Variants in MACROD2 observed in about 807,000 individuals in gnomAD.
The protein encoded by MACROD2 is ADP-ribose glycohydrolase MACROD2.
A neutral mutation model predicts 70.4 loss-of-function variants in MACROD2; 36 were observed. That is an observed-to-expected ratio of 0.51 (90% CI 0.39 to 0.68). The LOEUF (loss-of-function observed/expected upper bound fraction) is 0.68, where lower values mean the gene tolerates loss of function less well. Ranked by LOEUF, MACROD2 falls within the 30% of genes least tolerant of loss-of-function variation. The pLI is 0.00. For missense variants in MACROD2, 496 were observed against 538.4 expected, an observed-to-expected ratio of 0.92 and a Z score of 0.78; for synonymous variants, 172 against 178.8, an observed-to-expected ratio of 0.96 and a Z score of 0.30.
At chr20:15,332,448 G>A (rs1333323953) in intron 6 of MACROD2, among the ~76,000 whole-genome samples, 3 of 151,478 alleles carry the variant, frequency 2.0e-5, no homozygotes, top group Admixed American at 1.3e-4. Flanking sequence ...GGCCTCACAG[G>A]CCAGCATTAC....
At chr20:15,180,362 T>C (rs545949243) in intron 5 of MACROD2, among the ~76,000 whole-genome samples, 1 of 152,340 alleles carries the variant, frequency 6.6e-6, no homozygotes, top group East Asian at 1.9e-4. Context: ...TTAGATGGGG[T>C]ATAGTTCAAG....
chr20:14,486,781 A>T (rs2084740752), intron 3 of MACROD2, among the ~76,000 whole-genome samples: 1 of 152,096 alleles, frequency 6.6e-6, no homozygotes, highest in Admixed American at 6.5e-5. Context: ...GGCCTCCCAA[A>T]GTGCTGGGAT....
rs74958810 is a variant in MACROD2, at chr20:15,356,323, C to G, written c.541-75082C>G. On this transcript the variant is annotated intron_variant, in intron 6 of 17. Transcript: ENST00000684519. ...GTAAAGACTTTATCACTTATTCTGG[C>G]ATAAGTATAGTAAGGACTCAATAAA... 1.1e-4 allele frequency among the ~76,000 whole-genome samples: 16 copies of G among 152,142 alleles called. No individual in the cohort carries two copies. In the East Asian group the frequency reaches 3.1e-3, roughly 29 times the overall value.
intron 15 of MACROD2, among the ~76,000 whole-genome samples, chr20:16,036,169 C>G (rs2067232733): frequency 6.6e-6 from 1 of 151,946 alleles, no homozygotes; most frequent in African/African-American, 2.4e-5. Context: ...AGCTCTGTAC[C>G]TATCATGTCA....
intron 5 of MACROD2, among the ~76,000 whole-genome samples, chr20:15,118,002 C>G (rs1325811948): frequency 6.6e-6 from 1 of 151,960 alleles, no homozygotes; most frequent in African/African-American, 2.4e-5. Flanking sequence ...TTTTGTGGCT[C>G]TGAAAGATAT....
rs1312226727 is a variant in MACROD2, at chr20:15,233,983, TTATATA to T, written c.540+3944_540+3949del. On this transcript the variant is annotated intron_variant, in intron 6 of 17. Transcript: ENST00000684519. ...AAAATTTATTTTTATATATATTTATTTATATATATATATATATATATATATATTCTT... is the reference window on the plus strand; with the variant it reads ...AAAATTTATTTTTATATATATTTATTTATATATATATATATATATATTCTT... Among the ~76,000 whole-genome samples, 34 of 43,998 alleles carry T rather than the reference TTATATA, an allele frequency of 7.7e-4. 1 individual carries two copies. Among genetic ancestry groups the T allele is most frequent in the East Asian group, 5.2e-3 (7 of 1,338 alleles). The allele number at this position is 43,998 out of a possible 152,430, so 28.9% of individuals were successfully genotyped here. A position where few individuals can be genotyped will look rare whatever the true frequency, so the allele number is the denominator to read the frequency against.
intron 3 of MACROD2, chr20:14,327,061 G>A: frequency 6.2e-7 from 1 of 1,613,718 alleles, no homozygotes; most frequent in Non-Finnish European, 8.5e-7. Context: ...GTCTCGGAAT[G>A]CTCCCTCTTC....
intron 3 of MACROD2, among the ~76,000 whole-genome samples, chr20:14,303,033 T>C (rs1214852673): frequency 3.9e-5 from 6 of 152,178 alleles, no homozygotes; most frequent in Admixed American, 3.9e-4. Context: ...AAGAAGGTGG[T>C]CTTCTAACCC....
At chr20:15,954,165 C>A (rs1169883252) in intron 12 of MACROD2, among the ~76,000 whole-genome samples, 2 of 152,118 alleles carry the variant, frequency 1.3e-5, no homozygotes, top group African/African-American at 2.4e-5. Flanking sequence ...TCACCATTAC[C>A]AGACAAAGCA....
chr20:15,185,083 G>A (rs1208134149), intron 5 of MACROD2, among the ~76,000 whole-genome samples: 1 of 152,104 alleles, frequency 6.6e-6, no homozygotes, highest in African/African-American at 2.4e-5. Flanking sequence ...TGCACATCTT[G>A]TCTTGTTACT....
intron 5 of MACROD2, among the ~76,000 whole-genome samples, chr20:14,962,644 C>CT (rs1334101629): frequency 6.6e-6 from 1 of 151,498 alleles, no homozygotes; most frequent in Non-Finnish European, 1.5e-5. Flanking sequence ...TCCTCTTCCT[C>CT]TTTTCTTCCT....
intron 5 of MACROD2, among the ~76,000 whole-genome samples, chr20:15,208,943 G>A (rs1325182763): frequency 6.6e-6 from 1 of 152,040 alleles, no homozygotes; most frequent in African/African-American, 2.4e-5. Context: ...GAAGTGCCTC[G>A]GTACAGTGAG....
At chr20:16,044,427 C>A in intron 16 of MACROD2, 144 bp from the exon 17 acceptor site, 1 of 699,644 alleles carries the variant, frequency 1.4e-6, no homozygotes. Flanking sequence ...CAAGAATAGT[C>A]CCCAAATCTT....
At chr20:15,502,459 A>G (rs1006325360) in intron 8 of MACROD2, among the ~76,000 whole-genome samples, 2 of 152,148 alleles carry the variant, frequency 1.3e-5, no homozygotes, top group African/African-American at 4.8e-5. Context: ...TCATAGAGAG[A>G]CTGTGAATTT....
At chr20:14,220,767 A>ACTTCTCCTGCAAACAGACCTTCGG (rs1437322996) in intron 3 of MACROD2, among the ~76,000 whole-genome samples, 2 of 152,072 alleles carry the variant, frequency 1.3e-5, no homozygotes, top group Non-Finnish European at 2.9e-5. Flanking sequence ...AAAGTTGGAA[A>ACTTCTCCTGCAAACAGACCTTCGG]CTTCTCCTGC....
At chr20:14,783,533 G>A (rs986163737) in intron 5 of MACROD2, among the ~76,000 whole-genome samples, 20 of 152,182 alleles carry the variant, frequency 1.3e-4, no homozygotes, top group African/African-American at 4.6e-4. Flanking sequence ...GGTGATAATA[G>A]TACGTACTTT....
Position 14,545,167 on chromosome 20 carries a change from C to G in MACROD2, c.301+51659C>G, listed in dbSNP as rs918016860. Among the ~76,000 whole-genome samples, 7 of 152,190 alleles carry G rather than the reference C, an allele frequency of 4.6e-5. No homozygotes were observed. The South Asian group carries it at 8.3e-4, about 18-fold the overall frequency. On this transcript the variant is annotated intron_variant, in intron 4 of 17. Transcript: ENST00000684519. The stretch of plus-strand genomic sequence containing the variant: ...TCTAGGAAAAAAGACACTGTGGTCT[C>G]TGCCCACTCATACACACAATTTACC...
At chr20:15,676,878 A>G (rs1247369222) in intron 8 of MACROD2, among the ~76,000 whole-genome samples, 1 of 152,224 alleles carries the variant, frequency 6.6e-6, no homozygotes, top group Non-Finnish European at 1.5e-5. Context: ...ATAAATAAAG[A>G]GAGCCAGTTC....
At chr20:14,429,018 G>C (rs571564587) in intron 3 of MACROD2, among the ~76,000 whole-genome samples, 1 of 152,222 alleles carries the variant, frequency 6.6e-6, no homozygotes, top group African/African-American at 2.4e-5. Flanking sequence ...ACAGTGAGGG[G>C]TTACCTTTTA....
Sources: gnomAD v4.1 joint callset for allele counts (sites outside exome capture counted in the v4.1 genomes callset) on GRCh38, gnomAD v4.1.1 for gene constraint, MANE v1.5 for transcripts, NCBI Gene and HGNC (gene_info 2026-07-23, HGNC 2026-07-21) for gene names.